The following HDAC9 variants were observed in gnomAD, a reference collection of about 807,000 sequenced individuals.
HDAC9 encodes MEF-2 interacting transcription repressor (MITR) protein.
HDAC9 carries 41 observed loss-of-function variants against 139.4 expected under a neutral mutation model. The observed-to-expected ratio is 0.29, with a 90% CI of 0.23 to 0.38. The LOEUF (loss-of-function observed/expected upper bound fraction) is 0.38, where lower values mean the gene tolerates loss of function less well. Ranked by LOEUF, HDAC9 falls within the 10% of genes least tolerant of loss-of-function variation. The probability of loss-of-function intolerance (pLI) is 1.00; values close to 1 mark genes in which losing one functional copy is unlikely to be tolerated. For missense variants in HDAC9, 1,147 were observed against 1,297.0 expected (o/e 0.88, Z 1.78); for synonymous variants, 517 against 476.2 (o/e 1.09, Z -1.12).
intron 16 of HDAC9, among the ~76,000 whole-genome samples, chr7:18,775,680 TTG>T (rs1350730850): frequency 7.7e-6 from 1 of 130,512 alleles, no homozygotes; most frequent in African/African-American, 3.4e-5. Context: ...TTTTCTTATG[TTG>T]TGTTTTTTTT....
chr7:18,890,988 T>C (rs1276237455), intron 22 of HDAC9, among the ~76,000 whole-genome samples: 4 of 152,176 alleles, frequency 2.6e-5, no homozygotes, highest in Admixed American at 6.5e-5. Flanking sequence ...TTTTGGCGAG[T>C]CTGTCTGATC....
intron 2 of HDAC9, among the ~76,000 whole-genome samples, chr7:18,180,178 ACT>A (rs1789279608): frequency 6.6e-6 from 1 of 150,466 alleles, no homozygotes; most frequent in Non-Finnish European, 1.5e-5. Flanking sequence ...GTGTTTTTAC[ACT>A]GTTTGTCATG....
At chr7:18,941,198 G>C (rs955015888) in intron 23 of HDAC9, among the ~76,000 whole-genome samples, 2 of 143,040 alleles carry the variant, frequency 1.4e-5, no homozygotes, top group Non-Finnish European at 3.0e-5. Flanking sequence ...CCTCCCTCCC[G>C]TTATTCTTCA....
chr7:18,792,470 T>C (rs947684892), intron 16 of HDAC9, among the ~76,000 whole-genome samples: 1 of 152,064 alleles, frequency 6.6e-6, no homozygotes, highest in Non-Finnish European at 1.5e-5. Context: ...ATATAACATA[T>C]GATAATTATA....
chr7:18,219,961 C>T (rs1792580245), intron 2 of HDAC9, among the ~76,000 whole-genome samples: 1 of 152,148 alleles, frequency 6.6e-6, no homozygotes, highest in African/African-American at 2.4e-5. Context: ...AGCCTGTTTT[C>T]TCACCTATAC....
At chr7:18,364,873 A>G (rs1168890350) in intron 1 of HDAC9, among the ~76,000 whole-genome samples, 1 of 152,140 alleles carries the variant, frequency 6.6e-6, no homozygotes, top group Non-Finnish European at 1.5e-5. Flanking sequence ...ATCAGGGTGA[A>G]AAAACGTTAG....
intron 14 of HDAC9, among the ~76,000 whole-genome samples, chr7:18,759,302 G>A (rs1386179305): frequency 6.6e-6 from 1 of 152,144 alleles, no homozygotes; most frequent in Non-Finnish European, 1.5e-5. Flanking sequence ...AGTGGCAGGT[G>A]AGTGAGTGAA....
chr7:18,349,720 T>C (rs1382126625), intron 1 of HDAC9, among the ~76,000 whole-genome samples: 1 of 151,718 alleles, frequency 6.6e-6, no homozygotes, highest in African/African-American at 2.4e-5. Context: ...AAAAAAAATG[T>C]GGTGTTGTGT....
At chr7:18,179,609 A>G (rs1244362556) in intron 2 of HDAC9, among the ~76,000 whole-genome samples, 1 of 152,188 alleles carries the variant, frequency 6.6e-6, no homozygotes, top group Non-Finnish European at 1.5e-5. Flanking sequence ...CATTGGGTCT[A>G]AATAAACCCA....
chr7:18,525,897 T>TGA (rs1806715780), intron 2 of HDAC9, among the ~76,000 whole-genome samples: 1 of 152,204 alleles, frequency 6.6e-6, no homozygotes, highest in South Asian at 2.1e-4. Context: ...CTGGCTTACT[T>TGA]GACTCTTAAG....
chr7:18,441,495 TC>T (rs764979894), intron 1 of HDAC9, among the ~76,000 whole-genome samples: 16 of 152,198 alleles, frequency 1.1e-4, no homozygotes, highest in Non-Finnish European at 2.2e-4. Flanking sequence ...TCCATATTTT[TC>T]TATATAGTGG....
intron 1 of HDAC9, among the ~76,000 whole-genome samples, chr7:18,420,919 A>G (rs1011685615): frequency 1.3e-5 from 2 of 152,230 alleles, no homozygotes; most frequent in Non-Finnish European, 2.9e-5. Context: ...ACAGGCTGCC[A>G]TGCAAAGATC....
At position 18,666,369 on chromosome 7, in the gene HDAC9, C is replaced by T; in HGVS notation, c.1624C>T (p.Leu542=). The change falls in exon 12 of 26, where the codon CTG becomes TTG. Residue 542 remains leucine (L), a synonymous_variant. Transcript: ENST00000686413. The stretch of plus-strand genomic sequence containing the variant: ...CAGCAGTGCTTGTGTGGATGACACA[C>T]TGGGACAAGTTGGGGCTGTGAAGGT... ...SDSSACVDDT[L]GQVGAVKVKE... is the part of the protein sequence containing the mutation. 6.2e-7 allele frequency: 1 copy of T among 1,613,268 alleles called. No homozygotes were observed. Among genetic ancestry groups the T allele is most frequent in the Non-Finnish European group, 8.5e-7 (1 of 1,179,580 alleles).
intron 22 of HDAC9, among the ~76,000 whole-genome samples, chr7:18,912,786 A>T (rs900859473): frequency 2.0e-5 from 3 of 152,146 alleles, no homozygotes; most frequent in African/African-American, 7.2e-5. Context: ...TTCTAACAAA[A>T]AATTAGAGTA....
intron 2 of HDAC9, among the ~76,000 whole-genome samples, chr7:18,567,383 C>A (rs1169479972): frequency 6.6e-6 from 1 of 152,158 alleles, no homozygotes; most frequent in African/African-American, 2.4e-5. Flanking sequence ...TCTCTCATTT[C>A]TTTTGTTTAA....
intron 6 of HDAC9, among the ~76,000 whole-genome samples, chr7:18,616,146 A>G (rs1453524179): frequency 6.6e-6 from 1 of 152,142 alleles, no homozygotes; most frequent in African/African-American, 2.4e-5. Context: ...GACCCCTTGG[A>G]TAATCCAAGT....
intron 12 of HDAC9, among the ~76,000 whole-genome samples, chr7:18,697,255 A>G (rs1326724078): frequency 6.6e-6 from 1 of 152,136 alleles, no homozygotes; most frequent in Non-Finnish European, 1.5e-5. Flanking sequence ...CCTATGGGAG[A>G]TGGGATCATT....
At chr7:18,633,494 A>G (rs1489171392) in intron 7 of HDAC9, among the ~76,000 whole-genome samples, 4 of 152,072 alleles carry the variant, frequency 2.6e-5, no homozygotes, top group Non-Finnish European at 1.5e-5. Flanking sequence ...GGATGGGATC[A>G]TGGGTAAGAC....
chr7:18,439,462 AC>A (rs1791536144), intron 1 of HDAC9, among the ~76,000 whole-genome samples: 1 of 152,194 alleles, frequency 6.6e-6, no homozygotes, highest in Admixed American at 6.5e-5. Context: ...AGACTCAAGA[AC>A]TTTTGCCCAT....
Sources: allele counts gnomAD v4.1 joint callset (sites outside exome capture counted in the v4.1 genomes callset), GRCh38; gene constraint gnomAD v4.1.1; transcripts MANE v1.5; gene names NCBI Gene and HGNC (gene_info 2026-07-23, HGNC 2026-07-21).